Variants in C16orf95 observed in about 807,000 individuals in gnomAD.
C16orf95 encodes chromosome 16 open reading frame 95.
C16orf95 carries 41 observed loss-of-function variants against 32.1 expected under a neutral mutation model. The observed-to-expected ratio is 1.28, with a 90% confidence interval of 1.00 to 1.66. The LOEUF is 1.66. Among genes scored for constraint, C16orf95 ranks in the 40% most tolerant of loss-of-function variants. C16orf95 has a pLI of 0.00. For missense variants in C16orf95, 399 were observed against 325.9 expected (o/e 1.22, Z -1.73); for synonymous variants, 147 against 128.9 (o/e 1.14, Z -0.95).
At chr16:87,313,949 A>C (rs1197912463) in intron 3 of C16orf95, among the ~76,000 whole-genome samples, 1 of 152,206 alleles carries the variant, frequency 6.6e-6, no homozygotes, top group Non-Finnish European at 1.5e-5. Context: ...ATCACCAATT[A>C]TCACGGGTAT....
rs1385893659 is a variant in C16orf95 at position 87,315,885 on chromosome 16, C to T, written c.153-62G>A. On this transcript the variant is annotated intron_variant, in intron 1 of 6. Coordinates refer to ENST00000567970, the MANE Select transcript of C16orf95 (RefSeq NM_001195124.3). ...AAACTAGGGGGCAGGGATGCTAGAG[C>T]ACAGGCCTGGACCTGTCTTCTCAGA... 2.4e-6 allele frequency: 3 copies of T among 1,245,380 alleles called. No homozygotes were observed. In the East Asian group the frequency reaches 8.0e-5, roughly 33 times the overall value. 77.1% of individuals were successfully genotyped at this position (1,245,380 alleles called of 1,614,324 possible).
chr16:87,314,966 C>T lies in C16orf95; in HGVS notation c.330+5G>A. The stretch of plus-strand genomic sequence containing the variant: ...GGGGAAGACCTCCTGGTTCAAGTCA[C>T]CTACCTGCTTTCGGGGTCTCAGGGA... On this transcript the variant is annotated splice_donor_5th_base_variant and intron_variant, in intron 3 of 6. Transcript: ENST00000567970. 3 of 1,535,756 alleles carry T rather than the reference C, an allele frequency of 2.0e-6. No individual in the cohort carries two copies. Among genetic ancestry groups the T allele is most frequent in the Non-Finnish European group, 2.6e-6 (3 of 1,146,728 alleles).
chr16:87,303,406 C>T (rs113449226), intron 6 of C16orf95: 16 of 278,268 alleles, frequency 5.7e-5, no homozygotes, highest in African/African-American at 3.2e-4. Flanking sequence ...GGGCTCCCTG[C>T]CAAGAGATTC....
At position 87,305,686 on chromosome 16, in the gene C16orf95, C is replaced by A. The variant is rs1027699524; in HGVS notation, c.701+33G>T. 2.4e-5 allele frequency: 35 copies of A among 1,466,634 alleles called. No homozygotes were observed. In the African/African-American group the frequency reaches 4.7e-4, roughly 20 times the overall value. 90.9% of individuals were successfully genotyped at this position (1,466,634 alleles called of 1,614,324 possible). On this transcript the variant is annotated intron_variant, in intron 6 of 6. Transcript: ENST00000567970. This position sits in a 1 kb window ranked among gnomAD's most constrained non-coding sequence, Gnocchi z 4.2. ...TCAGGTGGACGTCACCATGCCAGGGCCACCCACTGTCCCCCATCCCCCACC... is the reference window on the plus strand; with the variant it reads ...TCAGGTGGACGTCACCATGCCAGGGACACCCACTGTCCCCCATCCCCCACC...
rs370185280 is a variant in C16orf95, at chr16:87,304,503, G to A, written c.701+1216C>T. 3.3e-5 allele frequency among the ~76,000 whole-genome samples: 5 copies of A among 152,302 alleles called. No homozygotes were observed. In the South Asian group the frequency reaches 1.0e-3, roughly 32 times the overall value. ...ATCATCAAGCTGCCAAACATAAAAA[G>A]AAAGATAAATCCACAAGAAAAACGA... On this transcript the variant is annotated intron_variant, in intron 6 of 6. Coordinates refer to ENST00000567970, the MANE Select transcript of C16orf95 (RefSeq NM_001195124.3).
At position 87,305,710 on chromosome 16, in the gene C16orf95, C is replaced by A. The variant is rs1331906568; in HGVS notation, c.701+9G>T. On this transcript the variant is annotated intron_variant, in intron 6 of 6. Coordinates refer to ENST00000567970, the MANE Select transcript of C16orf95 (RefSeq NM_001195124.3). This position sits in a 1 kb window ranked among gnomAD's most constrained non-coding sequence, Gnocchi z 4.2. Reference sequence around the variant, plus strand: ...GCCACCCACTGTCCCCCATCCCCCACCTGCTCACCGAATGGCCATGATGAC... The same window carrying A: ...GCCACCCACTGTCCCCCATCCCCCAACTGCTCACCGAATGGCCATGATGAC... 6.7e-6 allele frequency: 10 copies of A among 1,495,618 alleles called. No homozygotes were observed. The African/African-American group carries it at 1.3e-4, about 19-fold the overall frequency. 92.6% of individuals were successfully genotyped at this position (1,495,618 alleles called of 1,614,324 possible). A position where few individuals can be genotyped will look rare whatever the true frequency, so the allele number is the denominator to read the frequency against.
At chr16:87,312,768 C>A (rs1038882375) in intron 3 of C16orf95, among the ~76,000 whole-genome samples, 3 of 151,944 alleles carry the variant, frequency 2.0e-5, no homozygotes, top group Non-Finnish European at 4.4e-5. Flanking sequence ...GCAGATGACA[C>A]AATCATCTAC....
At chr16:87,311,061 C>G in intron 4 of C16orf95, 89 bp downstream of exon 4, 2 of 1,239,058 alleles carry the variant, frequency 1.6e-6, no homozygotes, top group East Asian at 2.6e-5. Flanking sequence ...AGCCCAGGTA[C>G]CCCTCTTCCC....
At chr16:87,315,625 G>C in intron 2 of C16orf95, 147 bp downstream of exon 2, 3 of 600,302 alleles carry the variant, frequency 5.0e-6, no homozygotes, top group African/African-American at 1.9e-5. Flanking sequence ...GTGTTCTGGA[G>C]GCCCAGGGAT....
At chr16:87,310,544 A>C (rs1449467264) in intron 4 of C16orf95, among the ~76,000 whole-genome samples, 1 of 152,174 alleles carries the variant, frequency 6.6e-6, no homozygotes, top group Non-Finnish European at 1.5e-5. Context: ...AGGGGGAAGG[A>C]AGGAAGCCCT....
At position 87,305,316 on chromosome 16, in the gene C16orf95, G is replaced by C. The variant is rs982249244; in HGVS notation, c.701+403C>G. ...TGGGGCTCAAGCTGGGGACAGGCAA[G>C]AGGTCCCCATACCTGAGGGGGTGCT... is the stretch of plus-strand genomic sequence containing the variant. On this transcript the variant is annotated intron_variant, in intron 6 of 6. Transcript: ENST00000567970. The surrounding 1 kb of genome is among the most constrained non-coding windows in gnomAD (Gnocchi z 4.2). Among the ~76,000 whole-genome samples, 1 of 152,170 alleles carries C rather than the reference G, an allele frequency of 6.6e-6. No homozygotes were observed. Among genetic ancestry groups the C allele is most frequent in the African/African-American group, 2.4e-5 (1 of 41,442 alleles).
chr16:87,315,795 C>T lies in C16orf95; in HGVS notation c.181G>A (p.Glu61Lys). Residue 61 changes from glutamate to lysine, a missense_variant, in exon 2 of 7, where the codon GAA becomes AAA. By Grantham distance (56) the Glu-to-Lys change is moderately conservative. Coordinates refer to ENST00000567970, the MANE Select transcript of C16orf95 (RefSeq NM_001195124.3). ...RNSTFQTYKK[E>K]VCLPRHSMHP... is the part of the protein sequence containing the mutation. ...ACCGAATGACGGGGGAGGCACACTTCTTTCTTGTAGGTTTGAAATGTGCTA... is the reference window on the plus strand; with the variant it reads ...ACCGAATGACGGGGGAGGCACACTTTTTTCTTGTAGGTTTGAAATGTGCTA... 6.5e-7 allele frequency: 1 copy of T among 1,531,260 alleles called. No homozygotes were observed. Among genetic ancestry groups the T allele is most frequent in the Non-Finnish European group, 8.7e-7 (1 of 1,144,450 alleles). The allele number at this position is 1,531,260 out of a possible 1,614,324, so 94.9% of individuals were successfully genotyped here.
chr16:87,306,822 C>T (rs1911050802), intron 5 of C16orf95, among the ~76,000 whole-genome samples: 1 of 152,186 alleles, frequency 6.6e-6, no homozygotes, highest in African/African-American at 2.4e-5. Flanking sequence ...ATATAAGTCA[C>T]CTAAACTACA....
rs189733705 is a variant in C16orf95 at position 87,315,931 on chromosome 16, C to A, written c.153-108G>T. 673 of 629,384 alleles carry A rather than the reference C, an allele frequency of 1.1e-3. 5 individuals are homozygous for A. The African/African-American group carries it at 0.012, about 11-fold the overall frequency. The allele number at this position is 629,384 out of a possible 1,614,324, so 39.0% of individuals were successfully genotyped here. On this transcript the variant is annotated intron_variant, in intron 1 of 6. Transcript: ENST00000567970. ...TCAGAACTGACTCTTAATAATAAAG[C>A]CCACGGGTGGTGGGGATGGGGGGAT... is the stretch of plus-strand genomic sequence containing the variant.
rs577975265 is a variant in C16orf95, at chr16:87,305,429, G to A, written c.701+290C>T. On this transcript the variant is annotated intron_variant, in intron 6 of 6. Coordinates refer to ENST00000567970, the MANE Select transcript of C16orf95 (RefSeq NM_001195124.3). The surrounding 1 kb of genome is among the most constrained non-coding windows in gnomAD (Gnocchi z 4.2). ...TGAAAATTTATGGAAACTGGGACCCGTGTCCTTCTGGGAGCAGGGCCATTT... is the reference window on the plus strand; with the variant it reads ...TGAAAATTTATGGAAACTGGGACCCATGTCCTTCTGGGAGCAGGGCCATTT... Among the ~76,000 whole-genome samples, 3 of 151,492 alleles carry A rather than the reference G, an allele frequency of 2.0e-5. No homozygotes were observed. The highest frequency in any genetic ancestry group is 6.6e-5 in the Admixed American group (1 of 15,178).
At chr16:87,306,220 T>C (rs1597342426) in intron 5 of C16orf95, 2 of 212,284 alleles carry the variant, frequency 9.4e-6, no homozygotes, top group East Asian at 2.0e-4. Flanking sequence ...GAGTGGGTGG[T>C]GAAGATCAGA....
intron 5 of C16orf95, among the ~76,000 whole-genome samples, chr16:87,309,678 C>A (rs1396735968): frequency 6.6e-6 from 1 of 152,026 alleles, no homozygotes. Flanking sequence ...GCCACTGCAC[C>A]CAGCATATTA....
In C16orf95 at chr16:87,305,263, G is replaced by A. The variant is rs1325147593; in HGVS notation, c.701+456C>T. On this transcript the variant is annotated intron_variant, in intron 6 of 6. Transcript: ENST00000567970. The surrounding 1 kb of genome is among the most constrained non-coding windows in gnomAD (Gnocchi z 4.2). ...GGATAGGGACTAGAGACCAGGGGAAGGGGCTTTCTAGTATGGAGACTGGCG... is the reference window on the plus strand; with the variant it reads ...GGATAGGGACTAGAGACCAGGGGAAAGGGCTTTCTAGTATGGAGACTGGCG... 6.6e-6 allele frequency among the ~76,000 whole-genome samples: 1 copy of A among 152,170 alleles called. No individual in the cohort carries two copies. Among genetic ancestry groups the A allele is most frequent in the Non-Finnish European group, 1.5e-5 (1 of 68,030 alleles).
chr16:87,314,185 C>T (rs1032431894), intron 3 of C16orf95, among the ~76,000 whole-genome samples: 3 of 152,084 alleles, frequency 2.0e-5, no homozygotes, highest in Admixed American at 6.5e-5. Context: ...AGAAGAATGA[C>T]GGCATATGTG....
Sources: allele counts gnomAD v4.1 joint callset (sites outside exome capture counted in the v4.1 genomes callset), GRCh38; gene constraint gnomAD v4.1.1; non-coding constraint Gnocchi (gnomAD v3.1); transcripts MANE v1.5; gene names NCBI Gene and HGNC (gene_info 2026-07-23, HGNC 2026-07-21).